XXYLT1: variants seen among roughly 807,000 people sequenced by gnomAD.
XXYLT1 encodes UDP-xylose:alpha-xyloside alpha-1,3-xylosyltransferase.
In XXYLT1, 20 loss-of-function variants were observed where a neutral mutation model predicts 28.9. The observed-to-expected ratio is 0.69, with a 90% CI of 0.49 to 1.00. The LOEUF is 1.00. Ranked by LOEUF, XXYLT1 falls within the 50% of genes least tolerant of loss-of-function variation. XXYLT1 has a pLI of 0.00. For synonymous variants in XXYLT1, 257 were observed against 253.8 expected (o/e 1.01, Z -0.12); for missense variants, 542 against 560.1 (o/e 0.97, Z 0.33).
chr3:195,175,832 C>T, intron 2 of XXYLT1: 2 of 1,407,872 alleles, frequency 1.4e-6, no homozygotes, highest in Non-Finnish European at 1.8e-6. Flanking sequence ...ATTCCCGAGT[C>T]ACTGCTTAAA....
intron 1 of XXYLT1, among the ~76,000 whole-genome samples, chr3:195,227,216 G>A (rs1211098195): frequency 3.9e-5 from 6 of 152,254 alleles, no homozygotes; most frequent in Admixed American, 6.5e-5. Flanking sequence ...TGTGCCCAGC[G>A]ACTGGAAACC....
rs1292213071 is a variant in XXYLT1, at chr3:195,115,409, T to C, written c.785+41040A>G. Among the ~76,000 whole-genome samples the C allele has an allele frequency of 6.6e-6, 1 of 152,220 alleles. No individual in the cohort carries two copies. On this transcript the variant is annotated intron_variant, in intron 3 of 3. Transcript: ENST00000310380. This position sits in a 1 kb window ranked among gnomAD's most constrained non-coding sequence, Gnocchi z 4.2. ...GGGCTGGCAACAGCTGCTTCTGAAC[T>C]AGCCAGGAGTCCTTCAAAAGGCCCA... is the stretch of plus-strand genomic sequence containing the variant.
intron 3 of XXYLT1, among the ~76,000 whole-genome samples, chr3:195,131,125 G>T (rs1197340322): frequency 6.6e-6 from 1 of 152,128 alleles, no homozygotes; most frequent in Non-Finnish European, 1.5e-5. Context: ...TGCTCCATTG[G>T]CCGGTTCCTT....
Position 195,118,375 on chromosome 3 carries a change from C to T in XXYLT1, c.785+38074G>A, listed in dbSNP as rs145269608. On this transcript the variant is annotated intron_variant, in intron 3 of 3. Coordinates refer to ENST00000310380, the MANE Select transcript of XXYLT1 (RefSeq NM_152531.5). ...TAATTTCCTTAGGAGCCCCATGGCCCGTGGCCACCACTAGCGTGACTACAC... is the reference window on the plus strand; with the variant it reads ...TAATTTCCTTAGGAGCCCCATGGCCTGTGGCCACCACTAGCGTGACTACAC... Among the ~76,000 whole-genome samples the T allele has an allele frequency of 2.7e-3, 405 of 152,186 alleles. 2 individuals are homozygous for T. Among genetic ancestry groups the T allele is most frequent in the Admixed American group, 5.2e-3 (79 of 15,284 alleles).
At chr3:195,090,983 G>A (rs1335462875) in intron 3 of XXYLT1, among the ~76,000 whole-genome samples, 1 of 151,620 alleles carries the variant, frequency 6.6e-6, no homozygotes, top group East Asian at 1.9e-4. Context: ...CCAGGAAGAA[G>A]TTGAATCTCT....
chr3:195,252,725 CACAG>C (rs1371473997), intron 1 of XXYLT1, among the ~76,000 whole-genome samples: 19 of 129,128 alleles, frequency 1.5e-4, no homozygotes, highest in East Asian at 8.2e-4. Context: ...CACACACACA[CACAG>C]AGAGAGAGAG....
intron 3 of XXYLT1, among the ~76,000 whole-genome samples, chr3:195,080,210 G>T (rs78176774): frequency 6.6e-5 from 10 of 152,174 alleles, no homozygotes; most frequent in African/African-American, 2.4e-4. Flanking sequence ...CATCTGTGAC[G>T]AAGTGCTCAG....
rs373504058 is a variant in XXYLT1 at position 195,068,367 on chromosome 3, T to G, written c.*1348A>C. ...AATCAAAACAAAACAAGATGAAAAT[T>G]GATACAAATGGACCCCTGGGGCTTT... On this transcript the variant is annotated 3_prime_UTR_variant, in exon 4 of 4. Transcript: ENST00000310380. 65 of 151,888 alleles carry G rather than the reference T, an allele frequency of 4.3e-4. No individual in the cohort carries two copies. Among genetic ancestry groups the G allele is most frequent in the African/African-American group, 1.5e-3 (62 of 41,420 alleles). 9.4% of individuals were successfully genotyped at this position (151,888 alleles called of 1,614,324 possible).
At chr3:195,085,054 C>G (rs1403755301) in intron 3 of XXYLT1, among the ~76,000 whole-genome samples, 1 of 152,224 alleles carries the variant, frequency 6.6e-6, no homozygotes, top group Non-Finnish European at 1.5e-5. Context: ...AGAGTCTTCA[C>G]GTGGACGTAA....
intron 2 of XXYLT1, 47 bp from the exon 3 acceptor site, chr3:195,156,628 G>C: frequency 1.2e-6 from 2 of 1,602,482 alleles, no homozygotes; most frequent in African/African-American, 1.3e-5. Context: ...CACCTCCTGG[G>C]AGGCTCGGCC....
intron 1 of XXYLT1, among the ~76,000 whole-genome samples, chr3:195,236,967 G>A (rs1724574450): frequency 6.6e-6 from 1 of 152,160 alleles, no homozygotes; most frequent in African/African-American, 2.4e-5. Flanking sequence ...TGGTACCCAA[G>A]TTGCATGACA....
At position 195,174,904 on chromosome 3, in the gene XXYLT1, G is replaced by A. The variant is rs144488118; in HGVS notation, c.653-18323C>T. On this transcript the variant is annotated intron_variant, in intron 2 of 3. Transcript: ENST00000310380. ...GCTGGGTCTACATGAGTGTGCCACC[G>A]TGCCCAGCCACAGTTGTACATCTGT... 2.7e-3 allele frequency among the ~76,000 whole-genome samples: 417 copies of A among 152,004 alleles called. 1 individual carries two copies. Among genetic ancestry groups the A allele is most frequent in the African/African-American group, 9.7e-3 (403 of 41,436 alleles).
At chr3:195,131,192 C>T (rs138040452) in intron 3 of XXYLT1, among the ~76,000 whole-genome samples, 8 of 152,372 alleles carry the variant, frequency 5.3e-5, no homozygotes, top group South Asian at 4.1e-4. Flanking sequence ...TTACCCACTA[C>T]CTGACCCCCA....
At chr3:195,243,664 C>A (rs897134811) in intron 1 of XXYLT1, among the ~76,000 whole-genome samples, 1 of 152,072 alleles carries the variant, frequency 6.6e-6, no homozygotes, top group African/African-American at 2.4e-5. Flanking sequence ...TGCCTGTTGC[C>A]CCCACCAATA....
chr3:195,261,260 CTG>C (rs999956718), intron 1 of XXYLT1, among the ~76,000 whole-genome samples: 4 of 152,038 alleles, frequency 2.6e-5, no homozygotes, highest in Non-Finnish European at 5.9e-5. Context: ...TGGTGAAACC[CTG>C]TCTCTACTAA....
At chr3:195,144,582 T>G (rs190200663) in intron 3 of XXYLT1, among the ~76,000 whole-genome samples, 284 of 152,088 alleles carry the variant, frequency 1.9e-3, no homozygotes, top group African/African-American at 6.5e-3. Flanking sequence ...TTCACCACAT[T>G]GGGCAGGCTG....
intron 3 of XXYLT1, among the ~76,000 whole-genome samples, chr3:195,135,364 G>A (rs373097909): frequency 3.9e-5 from 6 of 152,200 alleles, no homozygotes; most frequent in South Asian, 2.1e-4. Context: ...GACTGGACCC[G>A]AGGCACCTGA....
rs565847482 is a variant in XXYLT1 at position 195,255,172 on chromosome 3, C to T, written c.504+15383G>A. ...AATGCAGTCCCTCAGCAAGGAGCTT[C>T]AGTCGGACTAAACCAGCAGAAAAGG... On this transcript the variant is annotated intron_variant, in intron 1 of 3. Coordinates refer to ENST00000310380, the MANE Select transcript of XXYLT1 (RefSeq NM_152531.5). The surrounding 1 kb of genome is among the most constrained non-coding windows in gnomAD (Gnocchi z 4.5). Among the ~76,000 whole-genome samples the T allele has an allele frequency of 6.6e-6, 1 of 152,348 alleles. No homozygotes were observed. Among genetic ancestry groups the T allele is most frequent in the African/African-American group, 2.4e-5 (1 of 41,582 alleles).
intron 3 of XXYLT1, among the ~76,000 whole-genome samples, chr3:195,132,092 A>G (rs1718934181): frequency 6.6e-6 from 1 of 152,196 alleles, no homozygotes; most frequent in Admixed American, 6.5e-5. Flanking sequence ...TGCAATACCC[A>G]GAGGACAAGG....
Sources: gnomAD v4.1 joint callset for allele counts (sites outside exome capture counted in the v4.1 genomes callset) on GRCh38, gnomAD v4.1.1 for gene constraint, Gnocchi (gnomAD v3.1) non-coding constraint, MANE v1.5 for transcripts, NCBI Gene and HGNC (gene_info 2026-07-23, HGNC 2026-07-21) for gene names.